The following ITCH variants were observed in gnomAD, a reference collection of about 807,000 sequenced individuals.
ITCH encodes E3 ubiquitin-protein ligase Itchy homolog.
ITCH carries 28 observed loss-of-function variants against 126.8 expected under a neutral mutation model. The observed-to-expected ratio is 0.22, with a 90% CI of 0.16 to 0.30. ITCH has a LOEUF of 0.30. ITCH is among the 10% of genes least tolerant of loss of function. ITCH has a pLI of 1.00. For missense variants in ITCH, 631 were observed against 1,032.4 expected, an observed-to-expected ratio of 0.61 and a Z score of 5.33; for synonymous variants, 342 against 340.0, an observed-to-expected ratio of 1.01 and a Z score of -0.06.
At chr20:34,499,624 C>G (rs1990122797) in intron 23 of ITCH, among the ~76,000 whole-genome samples, 1 of 66,406 alleles carries the variant, frequency 1.5e-5, no homozygotes, top group Admixed American at 9.6e-5. Context: ...TTTATCCTTT[C>G]AGAAAAAAAA....
chr20:34,468,944 A>C (rs1987351010), intron 14 of ITCH, among the ~76,000 whole-genome samples: 1 of 152,222 alleles, frequency 6.6e-6, no homozygotes, highest in Admixed American at 6.5e-5. Context: ...AAGTGAATTT[A>C]ACAGCGTAAC....
intron 5 of ITCH, 27 bp from the exon 6 acceptor site, chr20:34,413,715 T>A: frequency 1.9e-6 from 3 of 1,590,402 alleles, no homozygotes; most frequent in Non-Finnish European, 2.6e-6. Context: ...AAGTGACCAT[T>A]TTTTCTGTAA....
intron 3 of ITCH, among the ~76,000 whole-genome samples, chr20:34,398,902 C>G (rs1237423675): frequency 6.6e-6 from 1 of 152,102 alleles, no homozygotes; most frequent in Non-Finnish European, 1.5e-5. Flanking sequence ...TTAATAGAAT[C>G]AAATGCCCTT....
At chr20:34,370,065 C>A (rs1043664335) in intron 2 of ITCH, among the ~76,000 whole-genome samples, 1 of 149,968 alleles carries the variant, frequency 6.7e-6, no homozygotes, top group South Asian at 2.1e-4. Flanking sequence ...GATCACGCCA[C>A]TGCACTCCAG....
rs1318612769 is a variant in ITCH at position 34,503,866 on chromosome 20, T to TG, written c.2417-465_2417-464insG. On this transcript the variant is annotated intron_variant, in intron 23 of 24. Transcript: ENST00000374864. ...TGGGTTTTTTGGGTTTTTTTTTTTT[T>TG]TTGGTTTTTTTTTTTTTGGTTTTTT... Among the ~76,000 whole-genome samples, 261 of 126,274 alleles carry TG rather than the reference T, an allele frequency of 2.1e-3. 2 individuals are homozygous for TG. Among genetic ancestry groups the TG allele is most frequent in the South Asian group, 3.2e-3 (13 of 4,064 alleles). The allele number at this position is 126,274 out of a possible 152,430, so 82.8% of individuals were successfully genotyped here.
chr20:34,372,384 C>CTTTTTCTTTTTTTTTTT (rs2037670326), intron 2 of ITCH, among the ~76,000 whole-genome samples: 1 of 93,156 alleles, frequency 1.1e-5, no homozygotes, highest in Non-Finnish European at 1.9e-5. Flanking sequence ...TTAAGTTCTA[C>CTTTTTCTTTTTTTTTTT]TTTTTTTTTT....
chr20:34,495,873 G>A, intron 23 of ITCH, among the ~76,000 whole-genome samples: 1 of 142,630 alleles, frequency 7.0e-6, no homozygotes, highest in East Asian at 2.1e-4. Flanking sequence ...CCAGGAGTTT[G>A]AGATCAGCCT....
intron 1 of ITCH, among the ~76,000 whole-genome samples, chr20:34,367,189 T>C (rs1229943802): frequency 6.6e-6 from 1 of 152,212 alleles, no homozygotes; most frequent in Non-Finnish European, 1.5e-5. Context: ...TTATTGTTAC[T>C]ATTTTTGAGA....
intron 4 of ITCH, among the ~76,000 whole-genome samples, chr20:34,410,055 C>CA (rs59652271): frequency 0.54 from 76,778 of 142,160 alleles, 20,371 homozygotes; most frequent in Admixed American, 0.64. Flanking sequence ...AAAAGACAAA[C>CA]AAAAAAAAAA....
intron 7 of ITCH, among the ~76,000 whole-genome samples, chr20:34,431,756 T>G (rs960110365): frequency 9.9e-5 from 15 of 152,194 alleles, no homozygotes; most frequent in African/African-American, 3.4e-4. Context: ...GATGGGACAT[T>G]TGGCCGGTGG....
chr20:34,438,266 C>T (rs911633403), intron 7 of ITCH, among the ~76,000 whole-genome samples: 1 of 152,176 alleles, frequency 6.6e-6, no homozygotes, highest in South Asian at 2.1e-4. Flanking sequence ...GACAACCCAT[C>T]ACTCTATCTC....
At chr20:34,475,048 C>T (rs529374967) in intron 16 of ITCH, among the ~76,000 whole-genome samples, 2,887 of 150,266 alleles carry the variant, frequency 0.019, 92 homozygotes, top group African/African-American at 0.058. Context: ...TCCCCACATC[C>T]CAGACCATGG....
intron 16 of ITCH, among the ~76,000 whole-genome samples, chr20:34,474,447 G>A (rs950987029): frequency 5.3e-5 from 8 of 152,220 alleles, no homozygotes; most frequent in African/African-American, 7.2e-5. Flanking sequence ...ATGAGTGGAC[G>A]CAGCACATGT....
rs1987616083 is a variant in ITCH at position 34,471,520 on chromosome 20, T to C, written c.1569+5T>C. The C allele has an allele frequency of 2.6e-6, 4 of 1,555,804 alleles. No individual in the cohort carries two copies. Among genetic ancestry groups the C allele is most frequent in the Non-Finnish European group, 1.8e-6 (2 of 1,126,832 alleles). ...TTTGAGGATTCCTTTCAACAGGTACTGTTTCATTCTCTCAATAATTTCCCC... is the reference window on the plus strand; with the variant it reads ...TTTGAGGATTCCTTTCAACAGGTACCGTTTCATTCTCTCAATAATTTCCCC... On this transcript the variant is annotated splice_donor_5th_base_variant and intron_variant, in intron 16 of 24. Transcript: ENST00000374864.
At chr20:34,463,713 A>C (rs1986756609) in intron 14 of ITCH, among the ~76,000 whole-genome samples, 1 of 149,238 alleles carries the variant, frequency 6.7e-6, no homozygotes, top group South Asian at 2.1e-4. Context: ...TGTGATGTTG[A>C]GTATCTTTTC....
chr20:34,383,022 A>G (rs1032973605), intron 2 of ITCH, among the ~76,000 whole-genome samples: 1 of 151,968 alleles, frequency 6.6e-6, no homozygotes, highest in South Asian at 2.1e-4. Flanking sequence ...TATTACAGCC[A>G]TGAGCCACCG....
At chr20:34,433,668 A>AC (rs530022713) in intron 7 of ITCH, among the ~76,000 whole-genome samples, 29 of 152,020 alleles carry the variant, frequency 1.9e-4, no homozygotes, top group African/African-American at 7.0e-4. Context: ...AAAAAAAAAA[A>AC]AAAACCCAAA....
chr20:34,414,025 C>A, intron 6 of ITCH, 146 bp downstream of exon 6: 1 of 676,244 alleles, frequency 1.5e-6, no homozygotes, highest in Non-Finnish European at 2.5e-6. Context: ...CGCCTCTAAT[C>A]CCAGCACTTT....
chr20:34,503,034 A>G (rs1474415955), intron 23 of ITCH, among the ~76,000 whole-genome samples: 1 of 152,190 alleles, frequency 6.6e-6, no homozygotes, highest in Non-Finnish European at 1.5e-5. Flanking sequence ...TATTGAGTAG[A>G]GAGAACATGC....
Sources: gnomAD v4.1 joint callset for allele counts (sites outside exome capture counted in the v4.1 genomes callset) on GRCh38, gnomAD v4.1.1 for gene constraint, MANE v1.5 for transcripts, NCBI Gene and HGNC (gene_info 2026-07-23, HGNC 2026-07-21) for gene names.